DNAJB12: variants seen among roughly 807,000 people sequenced by gnomAD.
The protein encoded by DNAJB12 is dnaJ homolog subfamily B member 12.
Under a neutral mutation model 40.6 loss-of-function variants are expected in DNAJB12, and 14 were observed. That is an observed-to-expected ratio of 0.34 (90% CI 0.23 to 0.54). The LOEUF (loss-of-function observed/expected upper bound fraction) is 0.54, where lower values mean the gene tolerates loss of function less well. Ranked by LOEUF, DNAJB12 falls within the 20% of genes least tolerant of loss-of-function variation. The pLI is 0.92. For missense variants in DNAJB12, 444 were observed against 501.7 expected, an observed-to-expected ratio of 0.89 and a Z score of 1.10; for synonymous variants, 181 against 199.5, an observed-to-expected ratio of 0.91 and a Z score of 0.78.
intron 5 of DNAJB12, among the ~76,000 whole-genome samples, chr10:72,340,346 TA>T (rs200742190): frequency 6.6e-6 from 1 of 150,444 alleles, no homozygotes; most frequent in Non-Finnish European, 1.5e-5. Context: ...CCATCTCAAT[TA>T]AAAAAAAAGA....
chr10:72,352,834 T>C (rs1861967051), intron 1 of DNAJB12, among the ~76,000 whole-genome samples: 1 of 152,184 alleles, frequency 6.6e-6, no homozygotes. Context: ...AATGAGCATC[T>C]GGGATGAGCC....
intron 7 of DNAJB12, among the ~76,000 whole-genome samples, 174 bp from the exon 8 acceptor site, chr10:72,336,105 C>T (rs1275728718): frequency 2.6e-5 from 4 of 152,110 alleles, no homozygotes; most frequent in Non-Finnish European, 4.4e-5. Context: ...CTTATGTGGG[C>T]GAGGGTGACA....
At chr10:72,345,204 C>T in intron 1 of DNAJB12, 77 bp from the exon 2 acceptor site, 1 of 1,523,600 alleles carries the variant, frequency 6.6e-7, no homozygotes, top group South Asian at 1.3e-5. Context: ...CGCTGCTTCC[C>T]ACTCACTTCC....
At chr10:72,336,823 G>T in intron 6 of DNAJB12, 127 bp from the exon 7 acceptor site, 3 of 719,116 alleles carry the variant, frequency 4.2e-6, no homozygotes, top group Middle Eastern at 7.8e-4. Context: ...TCAAACCAGA[G>T]CAGGGACCCG....
Position 72,343,480 on chromosome 10 carries a change from G to A in DNAJB12, c.343C>T (p.Leu115=), listed in dbSNP as rs1447212759. The change falls in exon 3 of 9, where the codon CTG becomes TTG. Residue 115 remains leucine, a synonymous_variant. Coordinates refer to ENST00000444643, the MANE Select transcript of DNAJB12 (RefSeq NM_017626.7). ...VKQCKDYYEI[L]GVSRGASDED... ...TCCGAGGCCCCTCTGCTCACCCCCA[G>A]GATCTCATAGTAATCTTTACATTGC... The A allele has an allele frequency of 6.2e-7, 1 of 1,614,220 alleles. No homozygotes were observed. The highest frequency in any genetic ancestry group is 8.5e-7 in the Non-Finnish European group (1 of 1,180,036).
rs776473495 is a variant in DNAJB12, at chr10:72,335,889, T to C, written c.1049A>G (p.Asp350Gly). The change falls in exon 8 of 9, where the codon GAT becomes GGT. Residue 350 changes from aspartate to glycine, a missense_variant. Physicochemically the swap from Asp to Gly is moderately conservative, Grantham distance 94 (BLOSUM62 -1). Transcript: ENST00000444643. The surrounding 1 kb of genome is among the most constrained non-coding windows in gnomAD (Gnocchi z 4.4). ...LYRARYFGDT[D>G]MYHRAQKMGT... Reference sequence around the variant, plus strand: ...CATCTTCTGTGCTCTGTGGTACATATCTGTGTCGCCAAAGTAGCGTGCCCG... The same window carrying C: ...CATCTTCTGTGCTCTGTGGTACATACCTGTGTCGCCAAAGTAGCGTGCCCG... 6.2e-7 allele frequency: 1 copy of C among 1,614,114 alleles called. No individual in the cohort carries two copies. The highest frequency in any genetic ancestry group is 8.5e-7 in the Non-Finnish European group (1 of 1,179,998).
chr10:72,338,165 T>C (rs1404321093), intron 6 of DNAJB12, 37 bp downstream of exon 6: 13 of 1,577,266 alleles, frequency 8.2e-6, no homozygotes, highest in Non-Finnish European at 1.1e-5. Flanking sequence ...TTAAAGCCCC[T>C]TGTCTGCCCA....
chr10:72,340,171 C>G (rs1158014050), intron 5 of DNAJB12, among the ~76,000 whole-genome samples: 6 of 151,676 alleles, frequency 4.0e-5, no homozygotes, highest in Non-Finnish European at 8.8e-5. Flanking sequence ...ATGGTGAAAC[C>G]CCATCTCTAC....
At chr10:72,354,660 G>C (rs1024088286) in intron 1 of DNAJB12, 105 bp downstream of exon 1, 2 of 1,107,586 alleles carry the variant, frequency 1.8e-6, no homozygotes, top group Non-Finnish European at 2.5e-6. Context: ...AGGCGTAGCC[G>C]CGCCTCGCCA....
chr10:72,345,258 G>A, intron 1 of DNAJB12, 131 bp from the exon 2 acceptor site: 1 of 1,011,290 alleles, frequency 9.9e-7, no homozygotes, highest in Non-Finnish European at 1.4e-6. Flanking sequence ...TAGGCCTGTG[G>A]GTGCTGGGGG....
chr10:72,344,825 C>T (rs1230641556), intron 2 of DNAJB12, 125 bp downstream of exon 2: 2 of 1,133,682 alleles, frequency 1.8e-6, no homozygotes, highest in Non-Finnish European at 2.6e-6. Flanking sequence ...GGACCTTCTC[C>T]ATCCTCCAAG....
At chr10:72,344,815 G>A in intron 2 of DNAJB12, 135 bp downstream of exon 2, 1 of 1,023,406 alleles carries the variant, frequency 9.8e-7, no homozygotes, top group Non-Finnish European at 1.5e-6. Flanking sequence ...CTGGACCCTT[G>A]GACCTTCTCC....
chr10:72,340,933 T>C lies in DNAJB12; in HGVS notation c.643+52A>G, dbSNP rs1347471021. On this transcript the variant is annotated intron_variant, in intron 4 of 8. Transcript: ENST00000444643. ...GGGAAAGGGAGAGGCTGGCATGCCATTCCCACCATCACCCCAGGGATACCT... is the reference window on the plus strand; with the variant it reads ...GGGAAAGGGAGAGGCTGGCATGCCACTCCCACCATCACCCCAGGGATACCT... 6 of 1,608,502 alleles carry C rather than the reference T, an allele frequency of 3.7e-6. No homozygotes were observed. The Middle Eastern group carries it at 4.9e-4, about 132-fold the overall frequency.
rs137973005 is a variant in DNAJB12 at position 72,345,091 on chromosome 10, G to A, written c.170C>T (p.Ala57Val). 143 of 1,613,756 alleles carry A rather than the reference G, an allele frequency of 8.9e-5. No homozygotes were observed. The African/African-American group carries it at 1.7e-3, about 19-fold the overall frequency. Residue 57 changes from alanine (A) to valine (V), a missense_variant, in exon 2 of 9, where the codon GCC becomes GTC. By Grantham distance (64) the Ala-to-Val change is moderately conservative. Transcript: ENST00000444643. ...GTCTGTGGGTGGGGGTTGGTCACCG[G>A]CAGTCTGTGGTTTCTGGTTGAGGGA... ...IESLNQKPQT[A>V]GDQPPPTDTT...
At chr10:72,337,667 A>G (rs1007380272) in intron 6 of DNAJB12, among the ~76,000 whole-genome samples, 1 of 152,212 alleles carries the variant, frequency 6.6e-6, no homozygotes, top group African/African-American at 2.4e-5. Flanking sequence ...TAACTTGTTT[A>G]GGGTCACACA....
intron 1 of DNAJB12, among the ~76,000 whole-genome samples, chr10:72,347,781 T>C (rs1861832079): frequency 6.8e-6 from 1 of 147,440 alleles, no homozygotes; most frequent in African/African-American, 2.5e-5. Flanking sequence ...AACATGGTGG[T>C]GGGCGCTTGT....
chr10:72,347,686 C>T (rs1370943496), intron 1 of DNAJB12, among the ~76,000 whole-genome samples: 1 of 152,182 alleles, frequency 6.6e-6, no homozygotes, highest in Non-Finnish European at 1.5e-5. Context: ...GAGGCCGAGG[C>T]GGGCGAATCA....
rs1029375974 is a variant in DNAJB12, at chr10:72,335,669, A to G, written c.*30+111T>C. The G allele has an allele frequency of 1.4e-6, 2 of 1,461,622 alleles. No individual in the cohort carries two copies. The highest frequency in any genetic ancestry group is 4.9e-5 in the Admixed American group (2 of 41,228). 90.5% of individuals were successfully genotyped at this position (1,461,622 alleles called of 1,614,324 possible). A position where few individuals can be genotyped will look rare whatever the true frequency, so the allele number is the denominator to read the frequency against. ...GGCTGGAGGTCAGGCTGGGGACAGGAGTCTTTGCCACAATCACCAGGCTTC... is the reference window on the plus strand; with the variant it reads ...GGCTGGAGGTCAGGCTGGGGACAGGGGTCTTTGCCACAATCACCAGGCTTC... On this transcript the variant is annotated intron_variant, in intron 8 of 8. Transcript: ENST00000444643. The surrounding 1 kb of genome is among the most constrained non-coding windows in gnomAD (Gnocchi z 4.4).
chr10:72,354,631 A>G (rs1862018016), intron 1 of DNAJB12, 134 bp downstream of exon 1: 3 of 805,082 alleles, frequency 3.7e-6, no homozygotes, highest in Admixed American at 3.0e-5. Context: ...CCCAGCAGCC[A>G]CCGCGCGCCT....
Sources: allele counts gnomAD v4.1 joint callset (sites outside exome capture counted in the v4.1 genomes callset), GRCh38; gene constraint gnomAD v4.1.1; non-coding constraint Gnocchi (gnomAD v3.1); transcripts MANE v1.5; gene names NCBI Gene and HGNC (gene_info 2026-07-23, HGNC 2026-07-21).